AGK: variants seen among roughly 807,000 people sequenced by gnomAD.
The protein encoded by AGK is acylglycerol kinase.
In AGK, 52 loss-of-function variants were observed where a neutral mutation model predicts 66.4. That is an observed-to-expected ratio of 0.78 (90% CI 0.63 to 0.99). The LOEUF is 0.99. Among genes scored for constraint, AGK ranks in the 50% least tolerant of loss-of-function variants. The pLI is 0.00. For missense variants in AGK, 451 were observed against 506.6 expected, an observed-to-expected ratio of 0.89 and a Z score of 1.05; for synonymous variants, 182 against 181.1, an observed-to-expected ratio of 1.00 and a Z score of -0.04.
chr7:141,574,866 G>A (rs989147235), intron 2 of AGK, among the ~76,000 whole-genome samples: 1 of 152,232 alleles, frequency 6.6e-6, no homozygotes, highest in African/African-American at 2.4e-5. Context: ...TTCAGGGAGC[G>A]AGAAAGAATA....
intron 8 of AGK, among the ~76,000 whole-genome samples, chr7:141,621,365 T>A (rs1330621185): frequency 1.3e-5 from 2 of 152,216 alleles, no homozygotes; most frequent in African/African-American, 4.8e-5. Context: ...AGAGCAAGAA[T>A]AAGTATTGTT....
At chr7:141,578,498 A>G (rs1396794203) in intron 2 of AGK, among the ~76,000 whole-genome samples, 1 of 151,716 alleles carries the variant, frequency 6.6e-6, no homozygotes, top group African/African-American at 2.4e-5. Flanking sequence ...TATATTAATA[A>G]GAAAAATAAC....
Position 141,555,420 on chromosome 7 carries a change from T to G in AGK, c.-14-33T>G. The G allele has an allele frequency of 2.1e-6, 3 of 1,434,680 alleles. No homozygotes were observed. The highest frequency in any genetic ancestry group is 2.9e-6 in the Non-Finnish European group (3 of 1,024,100). 88.9% of individuals were successfully genotyped at this position (1,434,680 alleles called of 1,614,324 possible). A position where few individuals can be genotyped will look rare whatever the true frequency, so the allele number is the denominator to read the frequency against. ...TTACATGAAGACCATGGATAAATTA[T>G]ATTTTTTTCTCTTTCCGCCTCTACT... On this transcript the variant is annotated intron_variant, in intron 1 of 15. Coordinates refer to ENST00000649286, the MANE Select transcript of AGK (RefSeq NM_018238.4). The surrounding 1 kb of genome is among the most constrained non-coding windows in gnomAD (Gnocchi z 4.2).
At chr7:141,564,016 A>G (rs71545328) in intron 2 of AGK, among the ~76,000 whole-genome samples, 5,162 of 152,256 alleles carry the variant, frequency 0.034, 137 homozygotes, top group South Asian at 0.15. Flanking sequence ...GCTGGAGTGC[A>G]GTGGTGTGAT....
In AGK at chr7:141,561,569, T is replaced by C. The variant is rs564669712; in HGVS notation, c.101+6002T>C. ...ACTTCTTGGCCATCTGTATATCTTT[T>C]GAGAATTGTCTATTCATGTCCTTAG... On this transcript the variant is annotated intron_variant, in intron 2 of 15. Transcript: ENST00000649286. Among the ~76,000 whole-genome samples the C allele has an allele frequency of 3.3e-5, 5 of 152,278 alleles. No homozygotes were observed. The East Asian group carries it at 9.6e-4, about 29-fold the overall frequency.
chr7:141,583,501 GC>G (rs1250479909), intron 2 of AGK, among the ~76,000 whole-genome samples: 2 of 147,884 alleles, frequency 1.4e-5, no homozygotes, highest in African/African-American at 5.1e-5. Flanking sequence ...GGCGGTGCTT[GC>G]CCCCCAGGAA....
At chr7:141,569,323 C>A (rs1795544048) in intron 2 of AGK, among the ~76,000 whole-genome samples, 1 of 152,102 alleles carries the variant, frequency 6.6e-6, no homozygotes, top group South Asian at 2.1e-4. Context: ...ATCACGAGGT[C>A]AGGAGATCAA....
intron 2 of AGK, among the ~76,000 whole-genome samples, chr7:141,560,403 T>TTTC (rs200173615): frequency 6.6e-6 from 1 of 152,010 alleles, no homozygotes; most frequent in Non-Finnish European, 1.5e-5. Context: ...TTGTCCTTTC[T>TTTC]TTCTTCTTCT....
At chr7:141,645,540 A>C (rs1206535425) in intron 13 of AGK, among the ~76,000 whole-genome samples, 3 of 152,178 alleles carry the variant, frequency 2.0e-5, no homozygotes, top group Non-Finnish European at 2.9e-5. Flanking sequence ...TTTTACTTAG[A>C]GCACTGGATA....
intron 13 of AGK, 137 bp downstream of exon 13, chr7:141,642,045 G>A (rs930657755): frequency 2.6e-6 from 2 of 782,300 alleles, no homozygotes; most frequent in African/African-American, 1.7e-5. Context: ...GAAAGAGGAT[G>A]TGGTGTGCCT....
chr7:141,629,869 C>T (rs183966500), intron 9 of AGK, among the ~76,000 whole-genome samples: 32 of 152,214 alleles, frequency 2.1e-4, no homozygotes, highest in African/African-American at 7.5e-4. Context: ...GCCTACACTA[C>T]ATGCTTTAGA....
intron 10 of AGK, among the ~76,000 whole-genome samples, 175 bp from the exon 11 acceptor site, chr7:141,636,785 G>A (rs1057271345): frequency 3.3e-5 from 5 of 152,152 alleles, no homozygotes; most frequent in Admixed American, 1.3e-4. Context: ...GCATCAAAAC[G>A]TGGATTTAAA....
intron 2 of AGK, among the ~76,000 whole-genome samples, chr7:141,565,128 GATCTA>G (rs1342743746): frequency 6.6e-6 from 1 of 152,034 alleles, no homozygotes; most frequent in Non-Finnish European, 1.5e-5. Context: ...CTTCCTGCAT[GATCTA>G]ATCACTCATG....
chr7:141,553,418 T>C (rs1336409764), intron 1 of AGK, among the ~76,000 whole-genome samples: 1 of 152,212 alleles, frequency 6.6e-6, no homozygotes, highest in Non-Finnish European at 1.5e-5. Context: ...TCATTGACTG[T>C]GCACCACCCC....
intron 9 of AGK, among the ~76,000 whole-genome samples, chr7:141,623,395 A>G (rs1053598759): frequency 1.3e-5 from 2 of 149,968 alleles, no homozygotes; most frequent in African/African-American, 5.0e-5. Context: ...AAAAAAAAGA[A>G]AAAAAAAAGA....
intron 10 of AGK, 80 bp from the exon 11 acceptor site, chr7:141,636,880 A>AT: frequency 8.6e-7 from 1 of 1,166,432 alleles, no homozygotes; most frequent in Non-Finnish European, 1.3e-6. Context: ...ATTCTAATGT[A>AT]TTGTCTGCCA....
At chr7:141,649,184 C>T in intron 13 of AGK, 79 bp from the exon 14 acceptor site, 1 of 828,420 alleles carries the variant, frequency 1.2e-6, no homozygotes, top group Non-Finnish European at 2.1e-6. Context: ...AAACTATGAA[C>T]CATCAAAGCT....
chr7:141,596,698 C>A, intron 4 of AGK, 57 bp downstream of exon 4: 1 of 1,446,202 alleles, frequency 6.9e-7, no homozygotes, highest in South Asian at 1.1e-5. Flanking sequence ...AAAGAAATCA[C>A]AGACTATCAG....
chr7:141,582,306 T>C (rs1795898832), intron 2 of AGK, among the ~76,000 whole-genome samples: 1 of 151,912 alleles, frequency 6.6e-6, no homozygotes, highest in Non-Finnish European at 1.5e-5. Flanking sequence ...GTTTAGGTGT[T>C]TGGAAGTTCT....
Sources: gnomAD v4.1 joint callset for allele counts (sites outside exome capture counted in the v4.1 genomes callset) on GRCh38, gnomAD v4.1.1 for gene constraint, Gnocchi (gnomAD v3.1) non-coding constraint, MANE v1.5 for transcripts, NCBI Gene and HGNC (gene_info 2026-07-23, HGNC 2026-07-21) for gene names.